COL28A1: variants seen among roughly 807,000 people sequenced by gnomAD.
COL28A1 encodes the protein collagen alpha-1(XXVIII) chain.
A neutral mutation model predicts 150.2 loss-of-function variants in COL28A1; 161 were observed. The ratio of observed to expected loss-of-function variants is 1.07; its 90% CI spans 0.94 to 1.22. COL28A1 has a LOEUF of 1.22. Among genes scored for constraint, COL28A1 ranks in the 50% most tolerant of loss-of-function variants. The probability of loss-of-function intolerance (pLI) is 0.00; values close to 1 mark genes in which losing one functional copy is unlikely to be tolerated. For synonymous variants in COL28A1, 552 were observed against 469.7 expected (o/e 1.18, Z -2.26); for missense variants, 1,617 against 1,388.3 (o/e 1.16, Z -2.62).
chr7:7,421,276 T>C (rs113766233), intron 25 of COL28A1, among the ~76,000 whole-genome samples: 5 of 152,316 alleles, frequency 3.3e-5, no homozygotes, highest in African/African-American at 1.2e-4. Context: ...AAAAGTAGAT[T>C]AGTCACTGCC....
At chr7:7,344,022 A>T in the COL28A1 span, among the ~76,000 whole-genome samples, 16 of 152,016 alleles carry the variant, frequency 1.1e-4, no homozygotes, top group Non-Finnish European at 1.5e-4. Flanking sequence ...AAAATAAAAA[A>T]AAAAATAAAG....
intron 21 of COL28A1, among the ~76,000 whole-genome samples, chr7:7,437,951 T>C (rs1389220806): frequency 2.0e-5 from 3 of 151,646 alleles, no homozygotes; most frequent in African/African-American, 7.3e-5. Context: ...AGAACCCCTA[T>C]GGGCTGGGTG....
At chr7:7,513,956 G>C (rs1369936418) in intron 8 of COL28A1, among the ~76,000 whole-genome samples, 1 of 152,210 alleles carries the variant, frequency 6.6e-6, no homozygotes, top group African/African-American at 2.4e-5. Context: ...GATCAGCTCT[G>C]TTCTCAGCCT....
At chr7:7,450,623 A>C (rs1429527444) in intron 18 of COL28A1, among the ~76,000 whole-genome samples, 1 of 152,158 alleles carries the variant, frequency 6.6e-6, no homozygotes. Context: ...TAGTATCACA[A>C]TTGAAGACTC....
chr7:7,515,857 A>G lies in COL28A1; in HGVS notation c.856-17T>C. The G allele has an allele frequency of 2.1e-6, 2 of 964,464 alleles. No individual in the cohort carries two copies. The highest frequency in any genetic ancestry group is 1.3e-5 in the South Asian group (1 of 76,204). The allele number at this position is 964,464 out of a possible 1,614,324, so 59.7% of individuals were successfully genotyped here. A position where few individuals can be genotyped will look rare whatever the true frequency, so the allele number is the denominator to read the frequency against. ...AGGAATTCCCTAATTTAAAAAGAAAATAAAAAGTAAAATATGATACTCTGA... is the reference window on the plus strand; with the variant it reads ...AGGAATTCCCTAATTTAAAAAGAAAGTAAAAAGTAAAATATGATACTCTGA... On this transcript the variant is annotated splice_polypyrimidine_tract_variant and intron_variant, in intron 7 of 34. Coordinates refer to ENST00000399429, the MANE Select transcript of COL28A1 (RefSeq NM_001037763.3).
intron 27 of COL28A1, among the ~76,000 whole-genome samples, chr7:7,409,431 GAGAA>G (rs1377840463): frequency 2.0e-5 from 3 of 151,914 alleles, no homozygotes; most frequent in Admixed American, 6.6e-5. Flanking sequence ...GGAAGGGAGA[GAGAA>G]AGAAAGAAAT....
At chr7:7,346,184 GCCTTGGAA>G in the COL28A1 span, among the ~76,000 whole-genome samples, 1 of 151,694 alleles carries the variant, frequency 6.6e-6, no homozygotes, top group Non-Finnish European at 1.5e-5. Context: ...TTAGATTTTA[GCCTTGGAA>G]CCCCTTAATA....
intron 27 of COL28A1, among the ~76,000 whole-genome samples, chr7:7,416,401 G>T (rs544865074): frequency 6.6e-6 from 1 of 152,194 alleles, no homozygotes; most frequent in Admixed American, 6.5e-5. Flanking sequence ...AGATAACAAA[G>T]TGGAGAAAAC....
chr7:7,385,550 T>G (rs1449548193), intron 27 of COL28A1, among the ~76,000 whole-genome samples: 1 of 151,064 alleles, frequency 6.6e-6, no homozygotes, highest in African/African-American at 2.5e-5. Flanking sequence ...TTTTGCAATA[T>G]TTCAGATTCC....
chr7:7,443,955 A>C (rs1278354614), intron 19 of COL28A1, among the ~76,000 whole-genome samples: 1 of 150,344 alleles, frequency 6.7e-6, no homozygotes, highest in African/African-American at 2.4e-5. Context: ...TTTTTAAAAA[A>C]CAGGGAAGAC....
intron 6 of COL28A1, among the ~76,000 whole-genome samples, chr7:7,518,237 A>T (rs1216467493): frequency 2.0e-5 from 3 of 152,196 alleles, no homozygotes; most frequent in Non-Finnish European, 4.4e-5. Flanking sequence ...GACTTAAGAA[A>T]ATATATTATG....
At chr7:7,360,270 T>C in intron 34 of COL28A1, 120 bp downstream of exon 34, 1 of 966,950 alleles carries the variant, frequency 1.0e-6, no homozygotes, top group Non-Finnish European at 1.5e-6. Context: ...TGGGTAACCC[T>C]GTGCCTTCCT....
At chr7:7,486,309 G>A (rs906873230) in intron 13 of COL28A1, among the ~76,000 whole-genome samples, 15 of 152,276 alleles carry the variant, frequency 9.9e-5, no homozygotes, top group African/African-American at 3.1e-4. Context: ...TGACCTTGCT[G>A]AACTCACTTG....
chr7:7,528,430 G>T (rs553933036), intron 3 of COL28A1, among the ~76,000 whole-genome samples: 2 of 152,058 alleles, frequency 1.3e-5, no homozygotes, highest in Non-Finnish European at 2.9e-5. Flanking sequence ...GTTTCTATGG[G>T]GTTCTTACAT....
intron 25 of COL28A1, among the ~76,000 whole-genome samples, chr7:7,420,583 T>G (rs1451301172): frequency 4.6e-5 from 7 of 152,266 alleles, no homozygotes. Flanking sequence ...ATGCCATGTA[T>G]GTTCATATAT....
chr7:7,510,500 G>C (rs1414359319), intron 9 of COL28A1, among the ~76,000 whole-genome samples: 1 of 152,184 alleles, frequency 6.6e-6, no homozygotes, highest in South Asian at 2.1e-4. Flanking sequence ...GGTCAGGCTG[G>C]TCTCAAACTC....
At chr7:7,362,770 T>C (rs1348000427) in intron 33 of COL28A1, among the ~76,000 whole-genome samples, 2 of 152,234 alleles carry the variant, frequency 1.3e-5, no homozygotes, top group African/African-American at 2.4e-5. Flanking sequence ...TGATCCTGTA[T>C]GCAGATACAG....
chr7:7,490,685 C>T (rs777137826), intron 11 of COL28A1, 39 bp from the exon 12 acceptor site: 12 of 890,996 alleles, frequency 1.3e-5, no homozygotes, highest in African/African-American at 9.8e-5. Flanking sequence ...TATGTTAGGT[C>T]GACTCAATAG....
At chr7:7,481,671 G>A (rs1389637437) in intron 13 of COL28A1, among the ~76,000 whole-genome samples, 4 of 152,118 alleles carry the variant, frequency 2.6e-5, no homozygotes, top group Non-Finnish European at 2.9e-5. Context: ...AGACATTAAC[G>A]ATGAGATGAA....
Sources: allele counts gnomAD v4.1 joint callset (sites outside exome capture counted in the v4.1 genomes callset), GRCh38; gene constraint gnomAD v4.1.1; transcripts MANE v1.5; gene names NCBI Gene and HGNC (gene_info 2026-07-23, HGNC 2026-07-21).